The following RNF17 variants were observed in gnomAD, a reference collection of about 807,000 sequenced individuals.
RNF17 encodes the protein ring finger protein 17, also known as spermatogenesis associated 23.
In RNF17, 31 loss-of-function variants were observed where a neutral mutation model predicts 200.5. The observed-to-expected ratio is 0.15, with a 90% CI of 0.12 to 0.21. The LOEUF (loss-of-function observed/expected upper bound fraction) is 0.21. RNF17 is among the 10% of genes least tolerant of loss of function. The pLI, the probability that RNF17 is intolerant of heterozygous loss-of-function variation, is 1.00. For synonymous variants in RNF17, 606 were observed against 637.8 expected (o/e 0.95, Z 0.75); for missense variants, 1,628 against 1,905.1 (o/e 0.85, Z 2.71).
At chr13:24,777,263 TGTA>T (rs1441135109) in intron 3 of RNF17, among the ~76,000 whole-genome samples, 1 of 152,240 alleles carries the variant, frequency 6.6e-6, no homozygotes, top group Non-Finnish European at 1.5e-5. Flanking sequence ...AATTATTTGG[TGTA>T]GTATTTTTTC....
chr13:24,795,021 G>A (rs1236454475), intron 10 of RNF17, among the ~76,000 whole-genome samples: 1 of 152,108 alleles, frequency 6.6e-6, no homozygotes, highest in African/African-American at 2.4e-5. Flanking sequence ...GCGCAGCCAG[G>A]AATATTTCCA....
chr13:24,878,805 C>A (rs145943780), intron 34 of RNF17, among the ~76,000 whole-genome samples: 351 of 151,732 alleles, frequency 2.3e-3, no homozygotes, highest in African/African-American at 7.5e-3. Flanking sequence ...CACAGACACA[C>A]CTAGAAATGC....
At chr13:24,833,214 T>C (rs1008043195) in intron 18 of RNF17, among the ~76,000 whole-genome samples, 2 of 152,238 alleles carry the variant, frequency 1.3e-5, no homozygotes, top group Non-Finnish European at 2.9e-5. Context: ...CTTTCCTTTA[T>C]CGTAAGACTA....
intron 16 of RNF17, among the ~76,000 whole-genome samples, chr13:24,826,477 A>G (rs925061095): frequency 6.6e-6 from 1 of 152,146 alleles, no homozygotes; most frequent in African/African-American, 2.4e-5. Flanking sequence ...TCCTTTTTTA[A>G]TTGAAAGAGT....
chr13:24,850,577 A>G (rs991517348), intron 23 of RNF17, 134 bp downstream of exon 23: 3 of 589,368 alleles, frequency 5.1e-6, no homozygotes, highest in Non-Finnish European at 9.0e-6. Flanking sequence ...TTTATTTCAA[A>G]GTATAAGAGG....
At chr13:24,831,209 G>C (rs1270017809) in intron 17 of RNF17, among the ~76,000 whole-genome samples, 1 of 144,710 alleles carries the variant, frequency 6.9e-6, no homozygotes, top group Non-Finnish European at 1.5e-5. Flanking sequence ...GGGAGGCCGA[G>C]GCGGGGGGAT....
chr13:24,783,983 T>C (rs1882772789), intron 6 of RNF17, among the ~76,000 whole-genome samples: 1 of 152,244 alleles, frequency 6.6e-6, no homozygotes, highest in South Asian at 2.1e-4. Flanking sequence ...GTCTTCACCA[T>C]TGAATATCAT....
Position 24,793,339 on chromosome 13 carries a change from C to T in RNF17, c.1233C>T (p.Asn411=), listed in dbSNP as rs1471455953. The T allele has an allele frequency of 5.1e-6, 8 of 1,581,612 alleles. No homozygotes were observed. The highest frequency in any genetic ancestry group is 2.2e-5 in the East Asian group (1 of 44,580). ...TAATTGAAGAAATTATTGAAGACAA[C>T]GTGGAAAGTAAGTTAAAATGTAAAA... ...DVIIEEIIED[N]VESSAELVFV... Residue 411 remains asparagine, a synonymous_variant, in exon 10 of 36, where the codon AAC becomes AAT. Transcript: ENST00000255324.
chr13:24,777,988 A>G (rs1291945704), intron 3 of RNF17, among the ~76,000 whole-genome samples: 1 of 152,186 alleles, frequency 6.6e-6, no homozygotes, highest in Non-Finnish European at 1.5e-5. Context: ...TGGGCCAGGC[A>G]CAGTGGCTCA....
chr13:24,879,433 C>T, intron 35 of RNF17, 138 bp downstream of exon 35: 1 of 621,910 alleles, frequency 1.6e-6, no homozygotes, highest in Non-Finnish European at 2.8e-6. Flanking sequence ...TCTTCATAGG[C>T]CCTTCTCACC....
intron 28 of RNF17, among the ~76,000 whole-genome samples, chr13:24,864,126 G>A (rs1459476963): frequency 6.6e-6 from 1 of 152,182 alleles, no homozygotes; most frequent in East Asian, 1.9e-4. Flanking sequence ...GGAAGACGTC[G>A]CTGCAAAGGT....
chr13:24,768,612 A>G (rs950366785), intron 2 of RNF17, among the ~76,000 whole-genome samples: 1 of 152,032 alleles, frequency 6.6e-6, no homozygotes, highest in African/African-American at 2.4e-5. Flanking sequence ...GTTTTACTGG[A>G]TAAATCAGAT....
downstream of RNF17, among the ~76,000 whole-genome samples, chr13:24,881,135 TGTTC>T (rs1246110876): frequency 1.3e-5 from 2 of 152,050 alleles, no homozygotes; most frequent in Admixed American, 6.6e-5. Context: ...TTGACAGAAA[TGTTC>T]GTTCATTTAT....
intron 6 of RNF17, among the ~76,000 whole-genome samples, chr13:24,786,340 A>G (rs1202857909): frequency 6.6e-6 from 1 of 152,192 alleles, no homozygotes. Context: ...GATGTCACAA[A>G]TTACATTCCT....
chr13:24,750,031 C>T, the RNF17 span, among the ~76,000 whole-genome samples: 1 of 152,144 alleles, frequency 6.6e-6, no homozygotes, highest in Admixed American at 6.5e-5. Context: ...GGATTACAGG[C>T]GTGAGTCACC....
At chr13:24,886,506 A>G in the RNF17 span, 1 of 497,172 alleles carries the variant, frequency 2.0e-6, no homozygotes, top group Non-Finnish European at 3.7e-6. Context: ...AAATAACATC[A>G]GAGGGATCAG....
At chr13:24,824,446 A>C (rs920557202) in intron 15 of RNF17, 59 of 359,438 alleles carry the variant, frequency 1.6e-4, no homozygotes, top group Non-Finnish European at 2.5e-4. Context: ...TTTCACTTGC[A>C]TCATTATACT....
chr13:24,781,880 A>G lies in RNF17; in HGVS notation c.547A>G (p.Arg183Gly). 3 of 1,612,614 alleles carry G rather than the reference A, an allele frequency of 1.9e-6. No homozygotes were observed. The highest frequency in any genetic ancestry group is 1.7e-6 in the Non-Finnish European group (2 of 1,179,598). The change falls in exon 6 of 36, where the codon AGA becomes GGA. Residue 183 changes from arginine to glycine, a missense_variant. By Grantham distance (125) the Arg-to-Gly change is moderately radical. Around this residue, in one of 5 missense-constraint regions of RNF17, gnomAD observed 502 missense variants for 501.7 expected, o/e 1.00. Transcript: ENST00000255324. ...EHMQKQTIEE[R>G]ERVIEVVEKQ... ...CATGCAGAAGCAAACGATAGAGGAA[A>G]GAGAAAGAGTTATAGAAGTTGTGGA...
chr13:24,764,048 C>G, upstream of RNF17: 2 of 628,074 alleles, frequency 3.2e-6, no homozygotes, highest in East Asian at 5.3e-5. Flanking sequence ...TAACGGAAAA[C>G]AGCCCCAGCC....
Sources: allele counts gnomAD v4.1 joint callset (sites outside exome capture counted in the v4.1 genomes callset), GRCh38; gene constraint gnomAD v4.1.1; regional missense constraint gnomAD v4.1.1; transcripts MANE v1.5; gene names NCBI Gene and HGNC (gene_info 2026-07-23, HGNC 2026-07-21).